Variants in ARHGAP6 observed in about 807,000 individuals in gnomAD.
ARHGAP6 encodes the protein Rho GTPase activating protein 6.
ARHGAP6 carries 16 observed loss-of-function variants against 55.7 expected under a neutral mutation model. That is an observed-to-expected ratio of 0.29 (90% CI 0.19 to 0.44). The LOEUF (loss-of-function observed/expected upper bound fraction) is 0.44, where lower values mean the gene tolerates loss of function less well. ARHGAP6 is among the 20% of genes least tolerant of loss of function. The pLI, the probability that ARHGAP6 is intolerant of heterozygous loss-of-function variation, is 1.00. For missense variants in ARHGAP6, 698 were observed against 808.9 expected (o/e 0.86, Z 1.66); for synonymous variants, 382 against 360.9 (o/e 1.06, Z -0.66).
At chrX:11,459,920 T>TAA (rs748206502) in intron 1 of ARHGAP6, among the ~76,000 whole-genome samples, 1 of 110,131 alleles carries the variant, frequency 9.1e-6, no homozygotes, top group Admixed American at 9.6e-5. Flanking sequence ...GAATTAGTGT[T>TAA]AAAAAAAAAG....
intron 3 of ARHGAP6, among the ~76,000 whole-genome samples, chrX:11,190,012 A>T (rs1324206161): frequency 8.9e-6 from 1 of 112,353 alleles, no homozygotes; most frequent in Non-Finnish European, 1.9e-5. Context: ...AACTAAAATG[A>T]TCAAGGGAAA....
At chrX:11,173,975 CAAAT>C (rs953104474) in intron 8 of ARHGAP6, among the ~76,000 whole-genome samples, 2 of 111,421 alleles carry the variant, frequency 1.8e-5, no homozygotes, top group African/African-American at 6.5e-5. Context: ...AACACCCTAA[CAAAT>C]AGATAATACA....
intron 2 of ARHGAP6, among the ~76,000 whole-genome samples, chrX:11,227,960 G>A (rs992801458): frequency 5.5e-5 from 6 of 109,826 alleles, no homozygotes; most frequent in South Asian, 3.9e-4. Flanking sequence ...ACAGGAATAC[G>A]GAAGAGATTG....
rs552377685 is a variant in ARHGAP6, at chrX:11,504,010, G to GA, written c.588+160230dup. ...TATTTCTCTTTAAAATCAATGGCAG[G>GA]AAAAAAAAGTGGTCTTGGCTGATGG... On this transcript the variant is annotated intron_variant, in intron 1 of 12. Transcript: ENST00000337414. Among the ~76,000 whole-genome samples the GA allele has an allele frequency of 6.3e-5, 7 of 110,330 alleles. No homozygotes were observed. In the South Asian group the frequency reaches 1.1e-3, roughly 18 times the overall value.
intron 1 of ARHGAP6, chrX:11,367,949 C>T (rs2049101703): frequency 6.4e-6 from 1 of 156,103 alleles, no homozygotes; most frequent in Non-Finnish European, 1.1e-5. Flanking sequence ...CTGCCTTCAA[C>T]CAATTCTGCA....
chrX:11,446,874 T>A (rs1307212875), intron 1 of ARHGAP6, among the ~76,000 whole-genome samples: 1 of 111,850 alleles, frequency 8.9e-6, no homozygotes, highest in Non-Finnish European at 1.9e-5. Flanking sequence ...GAGTCTCACA[T>A]CTTGTCAGAG....
intron 1 of ARHGAP6, among the ~76,000 whole-genome samples, chrX:11,617,684 G>A (rs2052181528): frequency 9.0e-6 from 1 of 111,586 alleles, no homozygotes; most frequent in Admixed American, 9.6e-5. Flanking sequence ...GTTTAGAAAG[G>A]CAGATTTATT....
chrX:11,209,256 C>G (rs758322145), intron 2 of ARHGAP6, among the ~76,000 whole-genome samples: 1 of 111,950 alleles, frequency 8.9e-6, no homozygotes, highest in South Asian at 3.8e-4. Context: ...ATTCTTGTGC[C>G]TCAGCCACCC....
intron 1 of ARHGAP6, among the ~76,000 whole-genome samples, chrX:11,574,593 T>A (rs2051573513): frequency 9.1e-6 from 1 of 109,706 alleles, no homozygotes; most frequent in Non-Finnish European, 1.9e-5. Context: ...ATAAGAGCTA[T>A]CTATGACAAA....
chrX:11,562,077 G>A (rs1318722183), intron 1 of ARHGAP6, among the ~76,000 whole-genome samples: 1 of 111,759 alleles, frequency 8.9e-6, no homozygotes, highest in Non-Finnish European at 1.9e-5. Flanking sequence ...CCAGAAAAGA[G>A]AGCAGGAGCT....
At chrX:11,618,922 G>C (rs893712482) in intron 1 of ARHGAP6, among the ~76,000 whole-genome samples, 7 of 106,385 alleles carry the variant, frequency 6.6e-5, no homozygotes, top group African/African-American at 2.4e-4. Context: ...AAGAAAGAAA[G>C]GATTTTTTTT....
intron 1 of ARHGAP6, among the ~76,000 whole-genome samples, chrX:11,388,079 T>C (rs1460399891): frequency 8.9e-6 from 1 of 112,076 alleles, no homozygotes; most frequent in African/African-American, 3.3e-5. Context: ...AGTAATGCAA[T>C]GGCTGGGTCA....
chrX:11,314,153 G>C (rs1163778804), intron 1 of ARHGAP6, among the ~76,000 whole-genome samples: 2 of 112,463 alleles, frequency 1.8e-5, no homozygotes, highest in African/African-American at 6.5e-5. Context: ...AAAAATACTA[G>C]TTGACAATGA....
chrX:11,355,207 C>G (rs191073473), intron 1 of ARHGAP6, among the ~76,000 whole-genome samples: 42 of 111,654 alleles, frequency 3.8e-4, no homozygotes, highest in African/African-American at 1.2e-3. Flanking sequence ...GAATCCAACT[C>G]AAGAAAAGAG....
intron 2 of ARHGAP6, among the ~76,000 whole-genome samples, chrX:11,249,424 A>T (rs1452616719): frequency 8.9e-6 from 1 of 111,734 alleles, no homozygotes; most frequent in African/African-American, 3.3e-5. Flanking sequence ...CCATGGAAAT[A>T]ATAAATAAAT....
intron 9 of ARHGAP6, among the ~76,000 whole-genome samples, chrX:11,164,257 CATTT>C (rs2045987172): frequency 8.9e-6 from 1 of 112,419 alleles, no homozygotes; most frequent in Non-Finnish European, 1.9e-5. Flanking sequence ...AGAAATAATT[CATTT>C]AGTCACTGCA....
intron 1 of ARHGAP6, among the ~76,000 whole-genome samples, chrX:11,482,055 G>A (rs535571725): frequency 5.3e-5 from 6 of 112,449 alleles, no homozygotes; most frequent in Admixed American, 1.9e-4. Context: ...GTTCTAAGCC[G>A]GTGGTTCTCC....
intron 1 of ARHGAP6, among the ~76,000 whole-genome samples, chrX:11,270,851 T>C (rs1281356615): frequency 9.0e-6 from 1 of 111,464 alleles, no homozygotes; most frequent in African/African-American, 3.3e-5. Context: ...CCCAAGATTA[T>C]AGCTGGAGAA....
At chrX:11,457,708 A>G (rs188806750) in intron 1 of ARHGAP6, among the ~76,000 whole-genome samples, 1 of 111,169 alleles carries the variant, frequency 9.0e-6, no homozygotes, top group East Asian at 2.8e-4. Context: ...GTCAGGCTGG[A>G]AGTGCAGGGG....
Sources: allele counts gnomAD v4.1 joint callset (sites outside exome capture counted in the v4.1 genomes callset), GRCh38; gene constraint gnomAD v4.1.1; transcripts MANE v1.5; gene names NCBI Gene and HGNC (gene_info 2026-07-23, HGNC 2026-07-21).